ZCCHC2: variants seen among roughly 807,000 people sequenced by gnomAD.
ZCCHC2 encodes the protein zinc finger CCHC-type containing 2.
Under a neutral mutation model 103.6 loss-of-function variants are expected in ZCCHC2, and 39 were observed. The ratio of observed to expected loss-of-function variants is 0.38; its 90% CI spans 0.29 to 0.49. The LOEUF is 0.49. ZCCHC2 is among the 20% of genes least tolerant of loss of function. ZCCHC2 has a pLI of 0.96. For missense variants in ZCCHC2, 1,483 were observed against 1,491.0 expected, an observed-to-expected ratio of 0.99 and a Z score of 0.09; for synonymous variants, 687 against 608.9, an observed-to-expected ratio of 1.13 and a Z score of -1.89.
intron 7 of ZCCHC2, among the ~76,000 whole-genome samples, chr18:62,559,037 A>T (rs1167601343): frequency 1.3e-5 from 2 of 152,258 alleles, no homozygotes; most frequent in African/African-American, 4.8e-5. Context: ...GTATAATTAG[A>T]TTCCCAGTTA....
intron 1 of ZCCHC2, chr18:62,525,920 T>C (rs567854993): frequency 6.6e-6 from 1 of 152,304 alleles, no homozygotes; most frequent in East Asian, 1.9e-4. Context: ...GAACAATGCT[T>C]ATTTAAAATG....
At chr18:62,560,187 A>G (rs1407178302) in intron 7 of ZCCHC2, among the ~76,000 whole-genome samples, 2 of 152,220 alleles carry the variant, frequency 1.3e-5, no homozygotes, top group Non-Finnish European at 2.9e-5. Flanking sequence ...TTCTTAAAAG[A>G]GGCAAATATG....
Position 62,523,444 on chromosome 18 carries a change from C to G in ZCCHC2, c.20C>G (p.Pro7Arg), listed in dbSNP as rs1446859019. The change falls in exon 1 of 14, where the codon CCG (proline) becomes CGG (arginine). Residue 7 changes from proline (P) to arginine (R), a missense_variant. By Grantham distance (103) the Pro-to-Arg change is moderately radical. Around this residue, in one of 3 missense-constraint regions of ZCCHC2, gnomAD observed 568 missense variants for 525.1 expected, o/e 1.08. Coordinates refer to ENST00000269499, the MANE Select transcript of ZCCHC2 (RefSeq NM_017742.6). ...CCGAGGATGCTGAGGATGAAGCTGC[C>G]GCTGAAGCCAACGCACCCCGCGGAG... MLRMKL[P>R]LKPTHPAEPP... 1.8e-6 allele frequency: 2 copies of G among 1,101,416 alleles called. No individual in the cohort carries two copies. Among genetic ancestry groups the G allele is most frequent in the Non-Finnish European group, 2.2e-6 (2 of 891,540 alleles). 68.2% of individuals were successfully genotyped at this position (1,101,416 alleles called of 1,614,324 possible).
At chr18:62,535,247 T>TA (rs1212828592) in intron 1 of ZCCHC2, among the ~76,000 whole-genome samples, 2 of 152,304 alleles carry the variant, frequency 1.3e-5, no homozygotes, top group East Asian at 1.9e-4. Flanking sequence ...TGTGGGGACT[T>TA]AAAGATGTGG....
Position 62,558,691 on chromosome 18 carries a change from C to T in ZCCHC2, c.1413C>T (p.Asn471=). 2 of 1,519,132 alleles carry T rather than the reference C, an allele frequency of 1.3e-6. No individual in the cohort carries two copies. Among genetic ancestry groups the T allele is most frequent in the Non-Finnish European group, 1.8e-6 (2 of 1,132,400 alleles). The allele number at this position is 1,519,132 out of a possible 1,614,324, so 94.1% of individuals were successfully genotyped here. Residue 471 remains asparagine (N), a synonymous_variant, in exon 7 of 14, where the codon AAC becomes AAT. Transcript: ENST00000269499. The part of the protein sequence containing the change: ...ISSDSLHSIN[N]LQSSLKTSKI... ...AGTATTGAATGCTTCCTGCAGATAA[C>T]TTACAATCCTCTCTGAAGACTTCTA...
chr18:62,585,767 G>A (rs529859143), exon 15 of ZCCHC2: 3 of 152,374 alleles, frequency 2.0e-5, no homozygotes, highest in African/African-American at 7.2e-5. Context: ...CAAGAAGTTT[G>A]TCATGCAGGG....
chr18:62,579,736 T>G (rs36008763), downstream of ZCCHC2, among the ~76,000 whole-genome samples: 53,666 of 151,686 alleles, frequency 0.35, 9,927 homozygotes, highest in East Asian at 0.75. Flanking sequence ...TCTTTTTTTT[T>G]TGTGAGACAT....
chr18:62,526,088 T>G (rs1457196545), intron 1 of ZCCHC2: 2 of 152,214 alleles, frequency 1.3e-5, no homozygotes, highest in Non-Finnish European at 2.9e-5. Flanking sequence ...TCTTTCCCTT[T>G]TCTTTCTTTA....
At chr18:62,569,057 C>T (rs1227073533) in intron 11 of ZCCHC2, among the ~76,000 whole-genome samples, 1 of 152,182 alleles carries the variant, frequency 6.6e-6, no homozygotes, top group African/African-American at 2.4e-5. Flanking sequence ...AGATTTTGTG[C>T]AGTTTTCCCT....
At chr18:62,573,935 A>G in intron 12 of ZCCHC2, 122 bp from the exon 13 acceptor site, 1 of 1,018,426 alleles carries the variant, frequency 9.8e-7, no homozygotes, top group Non-Finnish European at 1.4e-6. Context: ...TTGGACAGTC[A>G]GGAAACATAG....
At position 62,524,574 on chromosome 18, in the gene ZCCHC2, C is replaced by T. The variant is rs903577164; in HGVS notation, c.939+211C>T. 1.4e-4 allele frequency: 92 copies of T among 663,052 alleles called. No homozygotes were observed. In the East Asian group the frequency reaches 2.3e-3, roughly 17 times the overall value. 41.1% of individuals were successfully genotyped at this position (663,052 alleles called of 1,614,324 possible). On this transcript the variant is annotated intron_variant, in intron 1 of 13. Transcript: ENST00000269499. ...CCACCCCACCCCACACCCCGGCAGACACAGCCACCCGCCATCACAGAATGC... is the reference window on the plus strand; with the variant it reads ...CCACCCCACCCCACACCCCGGCAGATACAGCCACCCGCCATCACAGAATGC...
downstream of ZCCHC2, among the ~76,000 whole-genome samples, chr18:62,579,810 C>T (rs1916992129): frequency 6.6e-6 from 1 of 152,118 alleles, no homozygotes; most frequent in Non-Finnish European, 1.5e-5. Flanking sequence ...GGAACCTCCA[C>T]CTCCCGGGTT....
Position 62,575,542 on chromosome 18 carries a change from A to G in ZCCHC2, c.3461A>G (p.Asn1154Ser), listed in dbSNP as rs747772285. Reference protein sequence around the residue: ...QDCKQSSMEANQQGTYRLRYA... With the variant: ...QDCKQSSMEASQQGTYRLRYA... ...TGTAAGCAGTCGTCCATGGAGGCCA[A>G]TCAACAAGGTAATCACAATAACTCC... Residue 1154 changes from asparagine to serine, a missense_variant, in exon 13 of 14, where the codon AAT (asparagine) becomes AGT (serine). By Grantham distance (46) the Asn-to-Ser change is conservative. Around this residue, in one of 3 missense-constraint regions of ZCCHC2, gnomAD observed 884 missense variants for 907.5 expected, o/e 0.97. Coordinates refer to ENST00000269499, the MANE Select transcript of ZCCHC2 (RefSeq NM_017742.6). 6 of 1,612,956 alleles carry G rather than the reference A, an allele frequency of 3.7e-6. No homozygotes were observed. The highest frequency in any genetic ancestry group is 5.1e-6 in the Non-Finnish European group (6 of 1,179,242).
In ZCCHC2 at chr18:62,524,264, G is replaced by A; in HGVS notation, c.840G>A (p.Leu280=). 6.5e-7 allele frequency: 1 copy of A among 1,550,102 alleles called. No individual in the cohort carries two copies. ...PAFSFHQRVT[L]REHLERLRAA... ...TCTCCTTCCACCAGCGGGTCACCCT[G>A]AGGGAACACTTGGAGAGGCTCCGCG... Residue 280 remains leucine, a synonymous_variant, in exon 1 of 14, where the codon CTG becomes CTA. Coordinates refer to ENST00000269499, the MANE Select transcript of ZCCHC2 (RefSeq NM_017742.6).
Position 62,570,263 on chromosome 18 carries a change from A to T in ZCCHC2, c.1975+32A>T. 5 of 1,605,880 alleles carry T rather than the reference A, an allele frequency of 3.1e-6. No homozygotes were observed. In the East Asian group the frequency reaches 1.1e-4, roughly 36 times the overall value. On this transcript the variant is annotated intron_variant, in intron 12 of 13. Coordinates refer to ENST00000269499, the MANE Select transcript of ZCCHC2 (RefSeq NM_017742.6). ...TCTTTGAAGTGGGAGTATTGTTGGC[A>T]TGGCAGGGGTGGGGAAGTGGAGGGA...
Position 62,575,084 on chromosome 18 carries a change from A to G in ZCCHC2, c.3003A>G (p.Val1001=), listed in dbSNP as rs1476507651. The change falls in exon 13 of 14, where the codon GTA becomes GTG. Residue 1001 remains valine, a synonymous_variant. Transcript: ENST00000269499. ...GGAACACGAACGCTAATGGGACAGT[A>G]GTGCCACCGCAGCAGATGGGCTCAG... ...AVGNTNANGT[V]VPPQQMGSGP... 2 of 1,613,918 alleles carry G rather than the reference A, an allele frequency of 1.2e-6. No individual in the cohort carries two copies. Among genetic ancestry groups the G allele is most frequent in the African/African-American group, 2.7e-5 (2 of 74,944 alleles).
intron 11 of ZCCHC2, among the ~76,000 whole-genome samples, chr18:62,569,582 C>T (rs60314228): frequency 8.6e-5 from 13 of 151,722 alleles, no homozygotes; most frequent in African/African-American, 3.2e-4. Context: ...AAAACAGATA[C>T]GGCTAGTTGG....
intron 6 of ZCCHC2, among the ~76,000 whole-genome samples, chr18:62,557,855 A>G (rs925547518): frequency 6.6e-6 from 1 of 152,216 alleles, no homozygotes; most frequent in African/African-American, 2.4e-5. Flanking sequence ...GAGCAGTGCT[A>G]AAGAGGTTGG....
rs1396623318 is a variant in ZCCHC2 at position 62,564,564 on chromosome 18, C to A, written c.1687-7C>A. On this transcript the variant is annotated splice_polypyrimidine_tract_variant and splice_region_variant and intron_variant, in intron 9 of 13. Transcript: ENST00000269499. ...TGTCTGATTTGTCTTTTTATTCTTT[C>A]TACTAGCATTCTGCTGAAAAACGGA... The A allele has an allele frequency of 2.0e-6, 3 of 1,529,264 alleles. No homozygotes were observed. The East Asian group carries it at 7.4e-5, about 38-fold the overall frequency. 94.7% of individuals were successfully genotyped at this position (1,529,264 alleles called of 1,614,324 possible).
Sources: gnomAD v4.1 joint callset for allele counts (sites outside exome capture counted in the v4.1 genomes callset) on GRCh38, gnomAD v4.1.1 for gene constraint, gnomAD v4.1.1 regional missense constraint, MANE v1.5 for transcripts, NCBI Gene and HGNC (gene_info 2026-07-23, HGNC 2026-07-21) for gene names.